The following WDR48 variants were observed in gnomAD, a reference collection of about 807,000 sequenced individuals.
WDR48 encodes WD repeat domain 48.
WDR48 carries 22 observed loss-of-function variants against 94.0 expected under a neutral mutation model. That is an observed-to-expected ratio of 0.23 (90% CI 0.17 to 0.33). WDR48 has a LOEUF of 0.33. Ranked by LOEUF, WDR48 falls within the 10% of genes least tolerant of loss-of-function variation. The pLI is 1.00. For synonymous variants in WDR48, 278 were observed against 280.5 expected (o/e 0.99, Z 0.09); for missense variants, 541 against 813.8 (o/e 0.66, Z 4.08).
At chr3:39,076,180 G>A (rs1465413624) in intron 8 of WDR48, among the ~76,000 whole-genome samples, 7 of 152,176 alleles carry the variant, frequency 4.6e-5, no homozygotes, top group African/African-American at 1.4e-4. Context: ...GGTCAAATGC[G>A]ACGGTTGGGA....
At chr3:39,092,828 C>G (rs574029925) in intron 17 of WDR48, among the ~76,000 whole-genome samples, 2 of 152,006 alleles carry the variant, frequency 1.3e-5, no homozygotes, top group East Asian at 3.9e-4. Flanking sequence ...CCTTGCTAAA[C>G]ATTTTGCTTC....
chr3:39,062,929 G>T (rs1280410732), intron 1 of WDR48, 121 bp from the exon 2 acceptor site: 1 of 1,285,476 alleles, frequency 7.8e-7, no homozygotes, highest in Middle Eastern at 2.2e-4. Flanking sequence ...TTTGTATTGG[G>T]TTGAAAAAGT....
rs17038385 is a variant in WDR48, at chr3:39,063,311, T to A, written c.189+121T>A. On this transcript the variant is annotated intron_variant, in intron 2 of 18. Transcript: ENST00000302313. ...CTGAATGCTGAGTTATTTGGTACAC[T>A]CTATAAAGACATCGCAACCAGAATT... The A allele has an allele frequency of 1.9e-3, 2,382 of 1,285,186 alleles. 38 individuals are homozygous for A. The African/African-American group carries it at 0.032, about 17-fold the overall frequency. The allele number at this position is 1,285,186 out of a possible 1,614,324, so 79.6% of individuals were successfully genotyped here. A position where few individuals can be genotyped will look rare whatever the true frequency, so the allele number is the denominator to read the frequency against.
At chr3:39,070,758 T>C (rs1477365170) in intron 7 of WDR48, among the ~76,000 whole-genome samples, 5 of 151,602 alleles carry the variant, frequency 3.3e-5, no homozygotes, top group Non-Finnish European at 1.5e-5. Context: ...TAGTTACATA[T>C]GTGTACATGT....
chr3:39,091,538 A>C, intron 16 of WDR48, 87 bp from the exon 17 acceptor site: 1 of 947,782 alleles, frequency 1.1e-6, no homozygotes, highest in Non-Finnish European at 1.5e-6. Flanking sequence ...GATAATTATT[A>C]CTTGCAAGTC....
At chr3:39,052,171 GGC>G in intron 1 of WDR48, 98 bp downstream of exon 1, 1 of 1,486,724 alleles carries the variant, frequency 6.7e-7, no homozygotes, top group Non-Finnish European at 9.2e-7. Flanking sequence ...CTGGGGTAGC[GGC>G]ATGGGGCGAA....
chr3:39,060,132 C>T (rs942573156), intron 1 of WDR48, among the ~76,000 whole-genome samples: 1 of 152,024 alleles, frequency 6.6e-6, no homozygotes, highest in Non-Finnish European at 1.5e-5. Flanking sequence ...GTGTACAATT[C>T]AGTGATTTTT....
intron 7 of WDR48, among the ~76,000 whole-genome samples, chr3:39,071,082 T>C (rs1283263788): frequency 7.1e-6 from 1 of 141,770 alleles, no homozygotes; most frequent in African/African-American, 2.8e-5. Context: ...CAGTCTATCA[T>C]TGTTGGATAT....
chr3:39,070,543 G>C (rs1407109395), intron 7 of WDR48, among the ~76,000 whole-genome samples: 1 of 152,098 alleles, frequency 6.6e-6, no homozygotes, highest in Non-Finnish European at 1.5e-5. Context: ...CTAAGAAATT[G>C]CTTTAGACAT....
At chr3:39,081,622 TC>T (rs1460689799) in intron 11 of WDR48, among the ~76,000 whole-genome samples, 4 of 152,192 alleles carry the variant, frequency 2.6e-5, no homozygotes, top group African/African-American at 9.7e-5. Flanking sequence ...ACTTTGATAC[TC>T]TACCACAAAT....
Position 39,085,559 on chromosome 3 carries a change from C to T in WDR48, c.1423C>T (p.Pro475Ser). 1 of 1,612,080 alleles carries T rather than the reference C, an allele frequency of 6.2e-7. No individual in the cohort carries two copies. Among genetic ancestry groups the T allele is most frequent in the Non-Finnish European group, 8.5e-7 (1 of 1,179,414 alleles). The change falls in exon 14 of 19, where the codon CCT becomes TCT. Residue 475 changes from proline (P) to serine (S), a missense_variant. Pro to Ser is a moderately conservative substitution (Grantham distance 74). Coordinates refer to ENST00000302313, the MANE Select transcript of WDR48 (RefSeq NM_020839.4). ...LLLQALLEYW[P>S]RTHVNPMDEE... Reference sequence around the variant, plus strand: ...ACTCCAAGCACTCCTGGAATATTGGCCTAGAACACATGTGAATCCAATGGA... The same window carrying T: ...ACTCCAAGCACTCCTGGAATATTGGTCTAGAACACATGTGAATCCAATGGA...
intron 16 of WDR48, chr3:39,090,619 G>A (rs960956149): frequency 6.6e-6 from 1 of 152,072 alleles, no homozygotes; most frequent in African/African-American, 2.4e-5. Flanking sequence ...TTTTTCCAAA[G>A]GGACAGCTAG....
At position 39,089,225 on chromosome 3, in the gene WDR48, G is replaced by GT. The variant is rs1423542312; in HGVS notation, c.1581-3dup. On this transcript the variant is annotated splice_polypyrimidine_tract_variant and splice_region_variant and intron_variant, in intron 15 of 18. Transcript: ENST00000302313. ...GGTTACTTACTACTTGATGGTTTAT[G>GT]TTTAGGCTGCTCTGCCGAGATTCCG... The GT allele has an allele frequency of 5.6e-6, 9 of 1,611,160 alleles. No homozygotes were observed. Among genetic ancestry groups the GT allele is most frequent in the Non-Finnish European group, 5.9e-6 (7 of 1,178,720 alleles).
At chr3:39,071,540 A>G (rs1241492658) in intron 7 of WDR48, among the ~76,000 whole-genome samples, 3 of 152,218 alleles carry the variant, frequency 2.0e-5, no homozygotes, top group African/African-American at 7.2e-5. Flanking sequence ...TTTCCTATCT[A>G]TGCAATTATG....
At chr3:39,059,104 T>C (rs995777267) in intron 1 of WDR48, among the ~76,000 whole-genome samples, 3 of 145,078 alleles carry the variant, frequency 2.1e-5, no homozygotes, top group Non-Finnish European at 3.0e-5. Context: ...AAATACAGAA[T>C]GTGGTAAGAA....
At chr3:39,091,738 C>G (rs371900102) in intron 17 of WDR48, 37 bp downstream of exon 17, 1 of 1,484,370 alleles carries the variant, frequency 6.7e-7, no homozygotes, top group Non-Finnish European at 9.2e-7. Context: ...TAATTAACTA[C>G]TAGAGAGAAT....
intron 7 of WDR48, among the ~76,000 whole-genome samples, chr3:39,072,398 T>C (rs970330945): frequency 2.0e-5 from 3 of 152,212 alleles, no homozygotes; most frequent in Non-Finnish European, 4.4e-5. Flanking sequence ...ACAAGTCTGC[T>C]GATCCTAGCT....
intron 10 of WDR48, 58 bp downstream of exon 10, chr3:39,078,297 T>C: frequency 8.4e-7 from 1 of 1,192,948 alleles, no homozygotes. Flanking sequence ...TACTTAGAGA[T>C]TGACAAAAAT....
At chr3:39,062,907 G>A in intron 1 of WDR48, 143 bp from the exon 2 acceptor site, 2 of 1,040,466 alleles carry the variant, frequency 1.9e-6, no homozygotes, top group Non-Finnish European at 2.7e-6. Context: ...TCTTTAAGGA[G>A]TAAAATTTAA....
Sources: gnomAD v4.1 joint callset for allele counts (sites outside exome capture counted in the v4.1 genomes callset) on GRCh38, gnomAD v4.1.1 for gene constraint, MANE v1.5 for transcripts, NCBI Gene and HGNC (gene_info 2026-07-23, HGNC 2026-07-21) for gene names.